The following MRC1 variants were observed in gnomAD, a reference collection of about 807,000 sequenced individuals.
MRC1 encodes macrophage mannose receptor 1.
MRC1 carries 62 observed loss-of-function variants against 102.9 expected under a neutral mutation model. The ratio of observed to expected loss-of-function variants is 0.60; its 90% CI spans 0.49 to 0.74. The LOEUF (loss-of-function observed/expected upper bound fraction) is 0.74. Among genes scored for constraint, MRC1 ranks in the 30% least tolerant of loss-of-function variants. The pLI, the probability that MRC1 is intolerant of heterozygous loss-of-function variation, is 0.00. For synonymous variants in MRC1, 457 were observed against 298.4 expected (o/e 1.53, Z -5.48); for missense variants, 1,237 against 862.8 (o/e 1.43, Z -5.43).
chr10:17,827,849 C>T, intron 3 of MRC1, 134 bp downstream of exon 3: 1 of 686,982 alleles, frequency 1.5e-6, no homozygotes. Flanking sequence ...TACTACAGCC[C>T]TTTACAGACG....
intron 9 of MRC1, among the ~76,000 whole-genome samples, chr10:17,858,371 CTT>C (rs1211182345): frequency 6.6e-6 from 1 of 152,140 alleles, no homozygotes; most frequent in Non-Finnish European, 1.5e-5. Flanking sequence ...TTCTCCTTGT[CTT>C]TGGCATTCTG....
chr10:17,866,421 A>G, intron 11 of MRC1, 141 bp from the exon 12 acceptor site: 1 of 735,888 alleles, frequency 1.4e-6, no homozygotes, highest in Non-Finnish European at 2.5e-6. Context: ...TTAGAAATAT[A>G]AAGTGTTACA....
At chr10:17,905,340 C>G (rs1833881388) in intron 26 of MRC1, among the ~76,000 whole-genome samples, 1 of 152,146 alleles carries the variant, frequency 6.6e-6, no homozygotes. Context: ...TTATTGCAAG[C>G]CTTTGATTAA....
chr10:17,894,778 T>A (rs1449860803), intron 23 of MRC1, among the ~76,000 whole-genome samples: 1 of 152,206 alleles, frequency 6.6e-6, no homozygotes, highest in Non-Finnish European at 1.5e-5. Context: ...TAGGTATATG[T>A]GTGCCATGGT....
At chr10:17,884,691 T>C (rs1468216455) in intron 21 of MRC1, among the ~76,000 whole-genome samples, 4 of 152,090 alleles carry the variant, frequency 2.6e-5, no homozygotes, top group Non-Finnish European at 5.9e-5. Flanking sequence ...GGGAGAAACC[T>C]CCCCCATGAT....
chr10:17,903,927 G>T (rs1833863259), intron 26 of MRC1, among the ~76,000 whole-genome samples: 1 of 151,934 alleles, frequency 6.6e-6, no homozygotes, highest in East Asian at 1.9e-4. Flanking sequence ...CTGCACTCCA[G>T]CCTGGGCAAC....
intron 9 of MRC1, among the ~76,000 whole-genome samples, chr10:17,859,923 AC>A (rs1833157058): frequency 6.6e-6 from 1 of 152,162 alleles, no homozygotes; most frequent in Non-Finnish European, 1.5e-5. Context: ...CAGGTAGATG[AC>A]AAGACACTGT....
intron 4 of MRC1, among the ~76,000 whole-genome samples, chr10:17,839,438 G>A (rs1369432554): frequency 4.7e-5 from 7 of 148,462 alleles, no homozygotes; most frequent in South Asian, 2.1e-4. Context: ...TGTAGAATAC[G>A]TCTGTGCAAG....
chr10:17,887,412 AAAC>A (rs1331503389), intron 22 of MRC1, among the ~76,000 whole-genome samples: 6 of 152,038 alleles, frequency 3.9e-5, no homozygotes, highest in African/African-American at 1.4e-4. Flanking sequence ...AAACAAAACA[AAAC>A]AAACAAACAA....
At chr10:17,854,409 A>G (rs2130649767) in intron 8 of MRC1, among the ~76,000 whole-genome samples, 2 of 152,294 alleles carry the variant, frequency 1.3e-5, no homozygotes, top group East Asian at 3.9e-4. Context: ...AAAGTTTAAG[A>G]ACATATTAGG....
intron 1 of MRC1, among the ~76,000 whole-genome samples, chr10:17,810,655 A>T (rs1838207630): frequency 6.6e-6 from 1 of 152,196 alleles, no homozygotes; most frequent in Non-Finnish European, 1.5e-5. Context: ...AGTTCTTGTG[A>T]TGATTCAATG....
chr10:17,848,270 CAT>C (rs1838856233), intron 6 of MRC1, among the ~76,000 whole-genome samples: 4 of 152,198 alleles, frequency 2.6e-5, no homozygotes, highest in African/African-American at 9.6e-5. Context: ...CTAAGCAAAA[CAT>C]GTTGCCAAAT....
chr10:17,892,604 T>C (rs940348087), intron 22 of MRC1, among the ~76,000 whole-genome samples: 23 of 152,346 alleles, frequency 1.5e-4, no homozygotes, highest in Non-Finnish European at 3.1e-4. Flanking sequence ...AACTAGAGAC[T>C]TAAGTTCTCA....
intron 8 of MRC1, among the ~76,000 whole-genome samples, chr10:17,853,999 G>T (rs1225417133): frequency 6.6e-6 from 1 of 151,922 alleles, no homozygotes; most frequent in African/African-American, 2.4e-5. Context: ...ACAGAGTCTT[G>T]CTCTGTCACC....
chr10:17,827,804 CCA>C, intron 3 of MRC1, 89 bp downstream of exon 3: 1 of 763,152 alleles, frequency 1.3e-6, no homozygotes, highest in Non-Finnish European at 2.5e-6. Context: ...GCATTTTTCC[CCA>C]AAGTTATTTC....
At chr10:17,830,553 A>G (rs980265663) in intron 3 of MRC1, among the ~76,000 whole-genome samples, 14 of 151,296 alleles carry the variant, frequency 9.3e-5, no homozygotes, top group Non-Finnish European at 2.9e-5. Context: ...TGTTTATTGT[A>G]ATGCTTTCCT....
chr10:17,834,267 A>G (rs567637862), intron 4 of MRC1, among the ~76,000 whole-genome samples: 6 of 152,336 alleles, frequency 3.9e-5, no homozygotes, highest in Admixed American at 3.9e-4. Flanking sequence ...TGGCAGAGAC[A>G]AGTCAGAGGC....
chr10:17,849,842 A>G, intron 7 of MRC1, 78 bp downstream of exon 7: 2 of 661,886 alleles, frequency 3.0e-6, no homozygotes, highest in Non-Finnish European at 5.6e-6. Flanking sequence ...GGAAAATTCT[A>G]TCATAAACAT....
chr10:17,856,702 C>T (rs1833098479), intron 9 of MRC1, among the ~76,000 whole-genome samples: 1 of 152,120 alleles, frequency 6.6e-6, no homozygotes, highest in East Asian at 1.9e-4. Context: ...TAGAAGGTGA[C>T]AGTCTACTAT....
Sources: gnomAD v4.1 joint callset for allele counts (sites outside exome capture counted in the v4.1 genomes callset) on GRCh38, gnomAD v4.1.1 for gene constraint, MANE v1.5 for transcripts, NCBI Gene and HGNC (gene_info 2026-07-23, HGNC 2026-07-21) for gene names.